KRTCAP3: variants seen among roughly 807,000 people sequenced by gnomAD.
The protein encoded by KRTCAP3 is keratinocyte associated protein 3.
A neutral mutation model predicts 20.5 loss-of-function variants in KRTCAP3; 18 were observed. The observed-to-expected ratio is 0.88, with a 90% confidence interval of 0.61 to 1.31. The LOEUF (loss-of-function observed/expected upper bound fraction) is 1.31. KRTCAP3 is among the 50% of genes most tolerant of loss of function. KRTCAP3 has a pLI of 0.00. For missense variants in KRTCAP3, 347 were observed against 310.4 expected, an observed-to-expected ratio of 1.12 and a Z score of -0.89; for synonymous variants, 167 against 133.7, an observed-to-expected ratio of 1.25 and a Z score of -1.72.
downstream of KRTCAP3, chr2:27,444,489 C>T (rs1458572364): frequency 6.2e-7 from 1 of 1,613,618 alleles, no homozygotes; most frequent in Non-Finnish European, 8.5e-7. Flanking sequence ...TGATGAATTT[C>T]AGCACGTCCT....
rs778118392 is a variant in KRTCAP3 at position 27,442,752 on chromosome 2, T to TCGGGGCTGCTGGTGAGCG, written c.206_213+10dup. ...CGTAGCCAATGTCATCTCTGTCGGC[T>TCGGGGCTGCTGGTGAGCG]CGGGGCTGCTGGTGAGCGCGGCAGG... On this transcript the variant is annotated inframe_insertion, in exon 2 of 7. Transcript: ENST00000288873. 2.5e-5 allele frequency: 40 copies of TCGGGGCTGCTGGTGAGCG among 1,608,988 alleles called. No homozygotes were observed. Among genetic ancestry groups the TCGGGGCTGCTGGTGAGCG allele is most frequent in the Non-Finnish European group, 3.4e-5 (40 of 1,177,822 alleles).
downstream of KRTCAP3, chr2:27,446,151 G>A: frequency 1.1e-5 from 15 of 1,319,974 alleles, no homozygotes; most frequent in Non-Finnish European, 1.6e-5. Flanking sequence ...TACATCCTCC[G>A]TAACATCAGC....
Position 27,443,158 on chromosome 2 carries a change from A to G in KRTCAP3, c.358A>G (p.Thr120Ala), listed in dbSNP as rs116380288. Residue 120 changes from threonine (T) to alanine (A), a missense_variant, in exon 4 of 7, where the codon ACT (threonine) becomes GCT (alanine). Thr to Ala is a moderately conservative substitution (Grantham distance 58). Coordinates refer to ENST00000288873, the MANE Select transcript of KRTCAP3 (RefSeq NM_173853.4). ...SLGLLLAVSLTVANGGRRLIA... is the reference protein window; with the variant it reads ...SLGLLLAVSLAVANGGRRLIA... The stretch of plus-strand genomic sequence containing the variant: ...GGGCCTCCTTCTTGCTGTGTCACTC[A>G]CTGTGGCCAACGGTGGCCGCCGCCT... 884 of 1,613,860 alleles carry G rather than the reference A, an allele frequency of 5.5e-4. 2 individuals are homozygous for G. The African/African-American group carries it at 0.011, about 20-fold the overall frequency.
downstream of KRTCAP3, chr2:27,446,430 A>C (rs1373827932): frequency 9.3e-6 from 12 of 1,294,100 alleles, no homozygotes; most frequent in Admixed American, 7.2e-5. Context: ...CCTGTAAGGC[A>C]GCCACAGAAC....
In KRTCAP3 at chr2:27,444,047, T is replaced by C; in HGVS notation, c.714T>C (p.Ser238=). The part of the protein sequence containing the change: ...QNQEIRASQR[S]WV ...AAGAAATCCGGGCATCACAGAGAAG[T>C]TGGGTTTAGGACAGGTAATGGGCCT... is the stretch of plus-strand genomic sequence containing the variant. Residue 238 remains serine (S), a synonymous_variant, in exon 6 of 7, where the codon AGT becomes AGC. Transcript: ENST00000288873. 1 of 1,610,148 alleles carries C rather than the reference T, an allele frequency of 6.2e-7. No individual in the cohort carries two copies. Among genetic ancestry groups the C allele is most frequent in the South Asian group, 1.1e-5 (1 of 90,974 alleles).
At chr2:27,445,712 AG>A, downstream of KRTCAP3, 1 of 1,609,410 alleles carries the variant, frequency 6.2e-7, no homozygotes, top group Non-Finnish European at 8.5e-7. This position sits in a 1 kb window ranked among gnomAD's most constrained non-coding sequence, Gnocchi z 4.4. Context: ...CACACTGGTG[AG>A]GCCTTCCGGT....
Position 27,443,098 on chromosome 2 carries a change from C to A in KRTCAP3, c.298C>A (p.Leu100Met). 2.5e-6 allele frequency: 4 copies of A among 1,613,992 alleles called. No individual in the cohort carries two copies. Among genetic ancestry groups the A allele is most frequent in the Non-Finnish European group, 3.4e-6 (4 of 1,180,020 alleles). Residue 100 changes from leucine to methionine, a missense_variant, in exon 4 of 7, where the codon CTG becomes ATG. Transcript: ENST00000288873. Reference protein sequence around the residue: ...PLHWVLLALALVNLLLSVACS... With the variant: ...PLHWVLLALAMVNLLLSVACS... ...GCACTGGGTCCTGCTGGCACTAGCT[C>A]TGGTGAACCTGCTCTTGTCCGTTGC...
chr2:27,444,101 G>T (rs778459750), intron 6 of KRTCAP3, 40 bp downstream of exon 6: 2 of 1,181,076 alleles, frequency 1.7e-6, no homozygotes, highest in East Asian at 2.4e-5. Flanking sequence ...TAAGAGCGGG[G>T]ACAAGGAAGT....
At chr2:27,445,911 C>G (rs1277958848), downstream of KRTCAP3, 14 of 1,614,114 alleles carry the variant, frequency 8.7e-6, no homozygotes, top group Non-Finnish European at 1.2e-5. The surrounding 1 kb of genome is among the most constrained non-coding windows in gnomAD (Gnocchi z 4.4). Flanking sequence ...ACCCTCGGGG[C>G]ACAGCTTCCC....
At chr2:27,445,313 A>C (rs770040628), downstream of KRTCAP3, 29 of 1,612,882 alleles carry the variant, frequency 1.8e-5, no homozygotes, top group Non-Finnish European at 1.8e-5. This position sits in a 1 kb window ranked among gnomAD's most constrained non-coding sequence, Gnocchi z 4.4. Flanking sequence ...AAGGCAGGGC[A>C]GGGCTCGAAC....
Position 27,443,438 on chromosome 2 carries a change from C to T in KRTCAP3, c.521C>T (p.Ser174Phe), listed in dbSNP as rs752304069. 1.2e-6 allele frequency: 2 copies of T among 1,614,150 alleles called. No individual in the cohort carries two copies. The highest frequency in any genetic ancestry group is 1.7e-6 in the Non-Finnish European group (2 of 1,180,030). The change falls in exon 5 of 7, where the codon TCT (serine) becomes TTT (phenylalanine). Residue 174 changes from serine (S) to phenylalanine (F), a missense_variant. Ser to Phe is a radical substitution (Grantham distance 155). Transcript: ENST00000288873. ...LALWIPSLLMSAGEAALSGYC... is the reference protein window; with the variant it reads ...LALWIPSLLMFAGEAALSGYC... Reference sequence around the variant, plus strand: ...CTCTGGATCCCTTCTTTGCTCATGTCTGCAGGGGAGGCTGCTCTATCTGGT... The same window carrying T: ...CTCTGGATCCCTTCTTTGCTCATGTTTGCAGGGGAGGCTGCTCTATCTGGT...
chr2:27,446,331 CAG>C (rs1468837226), downstream of KRTCAP3: 1 of 1,614,202 alleles, frequency 6.2e-7, no homozygotes, highest in African/African-American at 1.3e-5. Flanking sequence ...AAGAGTGAAA[CAG>C]AAAGCCTGGC....
downstream of KRTCAP3, chr2:27,445,264 C>T (rs1327796324): frequency 1.3e-6 from 2 of 1,596,830 alleles, no homozygotes; most frequent in African/African-American, 1.3e-5. The surrounding 1 kb of genome is among the most constrained non-coding windows in gnomAD (Gnocchi z 4.4). Context: ...TTCTACCCAC[C>T]ACAGGATCTG....
downstream of KRTCAP3, chr2:27,444,519 G>C: frequency 6.2e-7 from 1 of 1,612,998 alleles, no homozygotes; most frequent in Non-Finnish European, 8.5e-7. Context: ...GGCTGTGGGA[G>C]GTCTGTGAGC....
chr2:27,442,410 G>C lies in KRTCAP3; in HGVS notation c.-3G>C, dbSNP rs750624978. ...CGGCCCTGCGGCTGGCGCGGCGGAC[G>C]GGATGAGGCGCTGCAGTCTCTGCGC... is the stretch of plus-strand genomic sequence containing the variant. On this transcript the variant is annotated 5_prime_UTR_variant, in exon 1 of 7. Transcript: ENST00000288873. 43 of 1,555,668 alleles carry C rather than the reference G, an allele frequency of 2.8e-5. No individual in the cohort carries two copies. The highest frequency in any genetic ancestry group is 3.6e-5 in the Non-Finnish European group (42 of 1,151,602).
chr2:27,443,322 G>A (rs1664736149), intron 4 of KRTCAP3, 42 bp downstream of exon 4: 2 of 1,613,332 alleles, frequency 1.2e-6, no homozygotes, highest in African/African-American at 2.7e-5. Context: ...CAAAGCCTTG[G>A]TCCTGCCCTT....
downstream of KRTCAP3, chr2:27,444,623 C>G (rs1184700063): frequency 1.2e-6 from 1 of 852,796 alleles, no homozygotes; most frequent in Admixed American, 2.1e-5. Flanking sequence ...TCCTGTAATC[C>G]CACCCATCTT....
Position 27,443,057 on chromosome 2 carries a change from T to TC in KRTCAP3, c.274-16dup. 6.2e-7 allele frequency: 1 copy of TC among 1,609,512 alleles called. No homozygotes were observed. The highest frequency in any genetic ancestry group is 1.1e-5 in the South Asian group (1 of 90,996). The stretch of plus-strand genomic sequence containing the variant: ...GCCAGGCCCAGGCTGCTCACCCTGA[T>TC]CTCCTGTCCCTGCCAGCACTGGGTC... On this transcript the variant is annotated splice_polypyrimidine_tract_variant and intron_variant, in intron 3 of 6. Transcript: ENST00000288873.
downstream of KRTCAP3, chr2:27,445,642 T>C (rs1665008554): frequency 3.5e-6 from 5 of 1,422,540 alleles, no homozygotes; most frequent in Admixed American, 2.0e-5. This position sits in a 1 kb window ranked among gnomAD's most constrained non-coding sequence, Gnocchi z 4.4. Flanking sequence ...GAAAAAACAG[T>C]GAGGGCTGAG....
Sources: allele counts gnomAD v4.1 joint callset, GRCh38; gene constraint gnomAD v4.1.1; non-coding constraint Gnocchi (gnomAD v3.1); transcripts MANE v1.5; gene names NCBI Gene and HGNC (gene_info 2026-07-23, HGNC 2026-07-21).